Variants in CLCN3 observed in about 807,000 individuals in gnomAD.
The protein encoded by CLCN3 is Cl-/H+ antiporter 3.
Under a neutral mutation model 83.4 loss-of-function variants are expected in CLCN3, and 16 were observed. The ratio of observed to expected loss-of-function variants is 0.19; its 90% CI spans 0.13 to 0.29. CLCN3 has a LOEUF of 0.29. Among genes scored for constraint, CLCN3 ranks in the 10% least tolerant of loss-of-function variants. The probability of loss-of-function intolerance (pLI) is 1.00; values close to 1 mark genes in which losing one functional copy is unlikely to be tolerated. For synonymous variants in CLCN3, 322 were observed against 346.2 expected (o/e 0.93, Z 0.78); for missense variants, 544 against 1,006.0 (o/e 0.54, Z 6.21).
At chr4:169,675,313 T>G (rs565850964) in intron 2 of CLCN3, among the ~76,000 whole-genome samples, 48 of 152,344 alleles carry the variant, frequency 3.2e-4, no homozygotes, top group African/African-American at 1.2e-3. Flanking sequence ...GATCTCTTGA[T>G]CTAGTCTAAG....
At chr4:169,679,744 G>A (rs544855188) in intron 2 of CLCN3, among the ~76,000 whole-genome samples, 14 of 152,318 alleles carry the variant, frequency 9.2e-5, no homozygotes, top group African/African-American at 2.9e-4. Flanking sequence ...ACAAAAATCA[G>A]TCAGGCGTGG....
chr4:169,624,377 AC>A (rs1403946865), intron 1 of CLCN3, among the ~76,000 whole-genome samples: 1 of 151,406 alleles, frequency 6.6e-6, no homozygotes, highest in African/African-American at 2.4e-5. Context: ...GAGGTGATCG[AC>A]CCGCCTCGGC....
chr4:169,695,412 A>C (rs1732527860), intron 7 of CLCN3, among the ~76,000 whole-genome samples, 200 bp from the exon 8 acceptor site: 1 of 152,170 alleles, frequency 6.6e-6, no homozygotes, highest in Admixed American at 6.6e-5. Context: ...TAAATGCATG[A>C]CTGACCTTTC....
chr4:169,689,982 G>A (rs1051954104), intron 5 of CLCN3, among the ~76,000 whole-genome samples: 7 of 151,880 alleles, frequency 4.6e-5, no homozygotes, highest in African/African-American at 1.7e-4. Flanking sequence ...AAGACTTTAG[G>A]GATTAGGAAA....
chr4:169,675,785 T>G (rs1731652798), intron 2 of CLCN3, among the ~76,000 whole-genome samples: 1 of 152,226 alleles, frequency 6.6e-6, no homozygotes, highest in Non-Finnish European at 1.5e-5. Context: ...TTGTCAAGGA[T>G]GCTGATAGAT....
chr4:169,713,399 G>A (rs372352658), intron 12 of CLCN3, 104 bp downstream of exon 12: 1 of 825,996 alleles, frequency 1.2e-6, no homozygotes, highest in African/African-American at 1.7e-5. Flanking sequence ...GCTCCCAGGT[G>A]GGAAAGTCTG....
chr4:169,714,185 A>G (rs562739408), intron 12 of CLCN3, among the ~76,000 whole-genome samples: 180 of 152,298 alleles, frequency 1.2e-3, no homozygotes, highest in African/African-American at 3.7e-3. Flanking sequence ...AATACCAAAA[A>G]ACAGAGGGTA....
At chr4:169,701,839 C>A (rs959920482) in intron 9 of CLCN3, among the ~76,000 whole-genome samples, 3 of 152,196 alleles carry the variant, frequency 2.0e-5, no homozygotes, top group African/African-American at 7.2e-5. Flanking sequence ...CTTCTGGCAT[C>A]TTGCATCCCT....
chr4:169,696,666 C>T (rs1279565808), intron 8 of CLCN3, among the ~76,000 whole-genome samples: 1 of 152,124 alleles, frequency 6.6e-6, no homozygotes. Context: ...TAAGTTCATA[C>T]CCGTTGACTA....
chr4:169,651,739 C>T (rs1024646913), intron 2 of CLCN3, among the ~76,000 whole-genome samples: 1 of 152,104 alleles, frequency 6.6e-6, no homozygotes, highest in African/African-American at 2.4e-5. Flanking sequence ...TTGGTTGAAT[C>T]CACATATGTG....
At chr4:169,660,682 A>G (rs2150219456) in intron 2 of CLCN3, among the ~76,000 whole-genome samples, 1 of 152,320 alleles carries the variant, frequency 6.6e-6, no homozygotes. Context: ...CTCCGACTCC[A>G]TCTTCTGCAT....
At chr4:169,716,755 C>G (rs912289268) in intron 12 of CLCN3, among the ~76,000 whole-genome samples, 5 of 152,016 alleles carry the variant, frequency 3.3e-5, no homozygotes, top group Admixed American at 2.6e-4. Flanking sequence ...CCCCAGCCAT[C>G]AAGCTAAGTA....
rs113446137 is a variant in CLCN3, at chr4:169,679,672, C to T, written c.161-378C>T. On this transcript the variant is annotated intron_variant, in intron 2 of 12. Transcript: ENST00000513761. ...GGGAGGCCGAGGCGGGCAGATCACTCGAGGTCAGGAGCTGGAGACCAGCCC... is the reference window on the plus strand; with the variant it reads ...GGGAGGCCGAGGCGGGCAGATCACTTGAGGTCAGGAGCTGGAGACCAGCCC... Among the ~76,000 whole-genome samples, 5 of 152,266 alleles carry T rather than the reference C, an allele frequency of 3.3e-5. No individual in the cohort carries two copies. The East Asian group carries it at 9.6e-4, about 29-fold the overall frequency.
chr4:169,697,362 G>T lies in CLCN3; in HGVS notation c.1191G>T (p.Gly397=). The part of the protein sequence containing the change: ...LFELFPFILL[G]VFGGLWGAFF... Reference sequence around the variant, plus strand: ...AACTGTTTCCTTTTATTCTTCTAGGGGTATTTGGAGGGCTTTGGGGAGCCT... The same window carrying T: ...AACTGTTTCCTTTTATTCTTCTAGGTGTATTTGGAGGGCTTTGGGGAGCCT... The change falls in exon 9 of 13, where the codon GGG becomes GGT. Residue 397 remains glycine, a synonymous_variant. Coordinates refer to ENST00000513761, the MANE Select transcript of CLCN3 (RefSeq NM_001829.4). The T allele has an allele frequency of 6.2e-7, 1 of 1,613,970 alleles. No individual in the cohort carries two copies. Among genetic ancestry groups the T allele is most frequent in the Non-Finnish European group, 8.5e-7 (1 of 1,180,000 alleles).
chr4:169,665,150 T>C, intron 2 of CLCN3, among the ~76,000 whole-genome samples: 1 of 152,232 alleles, frequency 6.6e-6, no homozygotes, highest in Non-Finnish European at 1.5e-5. Flanking sequence ...AATAATTGAA[T>C]GTGGAACTTG....
rs1164031697 is a variant in CLCN3 at position 169,701,042 on chromosome 4, CTCTGTAGCA to C, written c.1564-2954_1564-2946del. Among the ~76,000 whole-genome samples, 17 of 150,270 alleles carry C rather than the reference CTCTGTAGCA, an allele frequency of 1.1e-4. No individual in the cohort carries two copies. The East Asian group carries it at 3.3e-3, about 29-fold the overall frequency. On this transcript the variant is annotated intron_variant, in intron 9 of 12. Coordinates refer to ENST00000513761, the MANE Select transcript of CLCN3 (RefSeq NM_001829.4). Reference sequence around the variant, plus strand: ...TGACACTGCCTTTCATGAAAGATTTCTCTGTAGCATGTGATGCTGTTTGATACCATTTTA... The same window carrying C: ...TGACACTGCCTTTCATGAAAGATTTCTGTGATGCTGTTTGATACCATTTTA...
chr4:169,653,078 G>A (rs1030808267), intron 2 of CLCN3, among the ~76,000 whole-genome samples: 3 of 152,154 alleles, frequency 2.0e-5, no homozygotes, highest in African/African-American at 7.2e-5. Flanking sequence ...TAGTTGTAAT[G>A]TGGTCCTATG....
intron 11 of CLCN3, among the ~76,000 whole-genome samples, chr4:169,710,965 T>G (rs915610743): frequency 6.6e-6 from 1 of 152,192 alleles, no homozygotes; most frequent in Non-Finnish European, 1.5e-5. Context: ...CACATGAGAT[T>G]AGAGACGTGT....
chr4:169,677,662 G>C (rs1471323364), intron 2 of CLCN3, among the ~76,000 whole-genome samples: 1 of 152,220 alleles, frequency 6.6e-6, no homozygotes, highest in Non-Finnish European at 1.5e-5. Context: ...AAGAGCATCT[G>C]TGTATGTTAA....
Sources: gnomAD v4.1 joint callset for allele counts (sites outside exome capture counted in the v4.1 genomes callset) on GRCh38, gnomAD v4.1.1 for gene constraint, MANE v1.5 for transcripts, NCBI Gene and HGNC (gene_info 2026-07-23, HGNC 2026-07-21) for gene names.